The following ZSCAN25 variants were observed in gnomAD, a reference collection of about 807,000 sequenced individuals.
ZSCAN25 encodes zinc finger and SCAN domain containing 25.
A neutral mutation model predicts 38.7 loss-of-function variants in ZSCAN25; 27 were observed. That is an observed-to-expected ratio of 0.70 (90% CI 0.51 to 0.96). ZSCAN25 has a LOEUF of 0.96. Among genes scored for constraint, ZSCAN25 ranks in the 40% least tolerant of loss-of-function variants. The probability of loss-of-function intolerance (pLI) is 0.00; values close to 1 mark genes in which losing one functional copy is unlikely to be tolerated. For missense variants in ZSCAN25, 637 were observed against 705.9 expected (o/e 0.90, Z 1.11); for synonymous variants, 273 against 277.7 (o/e 0.98, Z 0.17).
the ZSCAN25 span, chr7:99,731,211 G>T: frequency 1.3e-6 from 2 of 1,594,676 alleles, no homozygotes; most frequent in Non-Finnish European, 1.7e-6. Context: ...TATAGGGGCT[G>T]GTGAGTCACT....
the ZSCAN25 span, among the ~76,000 whole-genome samples, chr7:99,640,552 T>C: frequency 1.3e-5 from 2 of 152,212 alleles, no homozygotes; most frequent in Non-Finnish European, 2.9e-5. Flanking sequence ...GGCAATGATC[T>C]CTAGCTGTTT....
rs1476203946 is a variant in ZSCAN25, at chr7:99,619,826, G to A, written c.220G>A (p.Glu74Lys). ...GCTCTGTCGTCGGTGGCTGAGGCCC[G>A]AGTTGCACACCAAGGAGCAGATCCT... ...QELCRRWLRP[E>K]LHTKEQILEL... Residue 74 changes from glutamate (E) to lysine (K), a missense_variant, in exon 4 of 8, where the codon GAG (glutamate) becomes AAG (lysine). Transcript: ENST00000394152. 4.3e-6 allele frequency: 7 copies of A among 1,614,116 alleles called. No individual in the cohort carries two copies. Among genetic ancestry groups the A allele is most frequent in the Non-Finnish European group, 5.9e-6 (7 of 1,180,058 alleles).
the ZSCAN25 span, among the ~76,000 whole-genome samples, chr7:99,655,605 G>A: frequency 2.2e-4 from 33 of 152,228 alleles, no homozygotes; most frequent in South Asian, 6.2e-4. Context: ...GTTTTTTCCA[G>A]TTCTGTGAAG....
the ZSCAN25 span, chr7:99,731,243 A>G: frequency 2.1e-6 from 3 of 1,422,004 alleles, no homozygotes; most frequent in Non-Finnish European, 2.9e-6. Context: ...TGGAATGATC[A>G]GGCAAAGGAG....
chr7:99,653,583 A>G, the ZSCAN25 span, among the ~76,000 whole-genome samples: 1 of 152,230 alleles, frequency 6.6e-6, no homozygotes, highest in Admixed American at 6.5e-5. This position sits in a 1 kb window ranked among gnomAD's most constrained non-coding sequence, Gnocchi z 4.2. Flanking sequence ...AGTTAAAGTT[A>G]TGAAGAGAAT....
At chr7:99,645,269 G>A in the ZSCAN25 span, among the ~76,000 whole-genome samples, 2 of 152,186 alleles carry the variant, frequency 1.3e-5, no homozygotes, top group South Asian at 2.1e-4. Context: ...GATTACAGGC[G>A]TGAGCCACTA....
chr7:99,699,588 G>T, the ZSCAN25 span, among the ~76,000 whole-genome samples: 3 of 152,150 alleles, frequency 2.0e-5, no homozygotes, highest in Non-Finnish European at 4.4e-5. Context: ...CCTGCCCCCA[G>T]AATCCCGAGA....
At chr7:99,654,677 A>G in the ZSCAN25 span, among the ~76,000 whole-genome samples, 2 of 152,226 alleles carry the variant, frequency 1.3e-5, no homozygotes, top group Non-Finnish European at 2.9e-5. Context: ...ACAATGGTTG[A>G]ACTAGTTTAC....
the ZSCAN25 span, chr7:99,709,369 C>T: frequency 2.7e-6 from 4 of 1,482,066 alleles, no homozygotes; most frequent in Non-Finnish European, 3.7e-6. Flanking sequence ...ACAACTCATA[C>T]TGGCAAAGGA....
rs571061143 is a variant in ZSCAN25, at chr7:99,626,857, T to C, written c.806-2334T>C. Among the ~76,000 whole-genome samples, 10 of 152,328 alleles carry C rather than the reference T, an allele frequency of 6.6e-5. No individual in the cohort carries two copies. The East Asian group carries it at 1.2e-3, about 18-fold the overall frequency. ...AAGGCTCAGAGAGGTTAATTGATTT[T>C]CCCATGATCACACAGCAATTGAGCA... On this transcript the variant is annotated intron_variant, in intron 7 of 7. Coordinates refer to ENST00000394152, the MANE Select transcript of ZSCAN25 (RefSeq NM_145115.3).
intron 7 of ZSCAN25, 23 bp downstream of exon 7, chr7:99,624,203 G>C: frequency 6.2e-7 from 1 of 1,612,976 alleles, no homozygotes; most frequent in Non-Finnish European, 8.5e-7. Context: ...CCACCCACAG[G>C]TGAGGAACTG....
the ZSCAN25 span, among the ~76,000 whole-genome samples, chr7:99,667,250 G>C: frequency 6.6e-6 from 1 of 151,986 alleles, no homozygotes; most frequent in African/African-American, 2.4e-5. Context: ...GTGTATGTGG[G>C]GCGGGGGTGG....
chr7:99,722,940 G>T, the ZSCAN25 span, among the ~76,000 whole-genome samples: 2 of 152,138 alleles, frequency 1.3e-5, no homozygotes, highest in Non-Finnish European at 2.9e-5. Flanking sequence ...CAGTTTTCCA[G>T]CTTAACATGA....
intron 7 of ZSCAN25, chr7:99,624,592 C>T (rs1424748852): frequency 5.1e-6 from 1 of 197,550 alleles, no homozygotes; most frequent in Non-Finnish European, 1.1e-5. Flanking sequence ...GTGGGCAGGA[C>T]TAACGTGCAC....
In ZSCAN25 at chr7:99,629,764, C is replaced by T. The variant is rs774176619; in HGVS notation, c.1379C>T (p.Thr460Ile). The change falls in exon 8 of 8, where the codon ACC (threonine) becomes ATC (isoleucine). Residue 460 changes from threonine to isoleucine, a missense_variant. Physicochemically the swap from Thr to Ile is moderately conservative, Grantham distance 89. Transcript: ENST00000394152. The surrounding 1 kb of genome is among the most constrained non-coding windows in gnomAD (Gnocchi z 5.6). ...RRTHTGEKPY[T>I]CECGKSFSRN... ...ACGCACACCGGGGAGAAGCCCTACA[C>T]CTGCGAGTGTGGCAAGAGCTTCAGC... The T allele has an allele frequency of 5.6e-6, 9 of 1,614,058 alleles. No individual in the cohort carries two copies. The African/African-American group carries it at 8.0e-5, about 14-fold the overall frequency.
At chr7:99,735,567 G>A in the ZSCAN25 span, among the ~76,000 whole-genome samples, 1 of 152,108 alleles carries the variant, frequency 6.6e-6, no homozygotes, top group Non-Finnish European at 1.5e-5. Context: ...CCTGGAGTGT[G>A]CCTGTGCCCC....
chr7:99,653,924 A>G, the ZSCAN25 span, among the ~76,000 whole-genome samples: 2,622 of 152,270 alleles, frequency 0.017, 86 homozygotes, highest in African/African-American at 0.058. The surrounding 1 kb of genome is among the most constrained non-coding windows in gnomAD (Gnocchi z 4.2). Flanking sequence ...GGAACATGAG[A>G]CAGGTGTGGG....
Position 99,629,305 on chromosome 7 carries a change from G to A in ZSCAN25, c.920G>A (p.Gly307Glu). 6.2e-7 allele frequency: 1 copy of A among 1,614,188 alleles called. No homozygotes were observed. The highest frequency in any genetic ancestry group is 8.5e-7 in the Non-Finnish European group (1 of 1,180,026). The change falls in exon 8 of 8, where the codon GGA becomes GAA. Residue 307 changes from glycine to glutamate, a missense_variant. Gly to Glu is a moderately conservative substitution (Grantham distance 98). Coordinates refer to ENST00000394152, the MANE Select transcript of ZSCAN25 (RefSeq NM_145115.3). This position sits in a 1 kb window ranked among gnomAD's most constrained non-coding sequence, Gnocchi z 5.6. ...GCCTCTCTCCAGGGCCCTGGGCTCGGAAGGGTCTGTGAGCAGGAGCCTGGT... is the reference window on the plus strand; with the variant it reads ...GCCTCTCTCCAGGGCCCTGGGCTCGAAAGGGTCTGTGAGCAGGAGCCTGGT... ...GEASLQGPGLGRVCEQEPGGP... is the reference protein window; with the variant it reads ...GEASLQGPGLERVCEQEPGGP...
the ZSCAN25 span, chr7:99,708,963 G>A: frequency 2.0e-6 from 3 of 1,526,640 alleles, no homozygotes; most frequent in Non-Finnish European, 1.8e-6. Context: ...AGCCCAGACT[G>A]TCCTGTAGAG....
Sources: gnomAD v4.1 joint callset for allele counts (sites outside exome capture counted in the v4.1 genomes callset) on GRCh38, gnomAD v4.1.1 for gene constraint, Gnocchi (gnomAD v3.1) non-coding constraint, MANE v1.5 for transcripts, NCBI Gene and HGNC (gene_info 2026-07-23, HGNC 2026-07-21) for gene names.